ZSWIM5: variants seen among roughly 807,000 people sequenced by gnomAD.
ZSWIM5 encodes the protein zinc finger SWIM-type containing 5, also known as zinc finger SWIM domain-containing protein 5.
In ZSWIM5, 55 loss-of-function variants were observed where a neutral mutation model predicts 119.6. That is an observed-to-expected ratio of 0.46 (90% CI 0.37 to 0.58). ZSWIM5 has a LOEUF of 0.58. Ranked by LOEUF, ZSWIM5 falls within the 20% of genes least tolerant of loss-of-function variation. The probability of loss-of-function intolerance (pLI) is 0.00; values close to 1 mark genes in which losing one functional copy is unlikely to be tolerated. For missense variants in ZSWIM5, 1,193 were observed against 1,512.8 expected (o/e 0.79, Z 3.51); for synonymous variants, 537 against 606.9 (o/e 0.88, Z 1.69).
chr1:45,120,395 A>C (rs762740250), intron 1 of ZSWIM5, among the ~76,000 whole-genome samples: 4 of 152,084 alleles, frequency 2.6e-5, no homozygotes, highest in Non-Finnish European at 4.4e-5. Flanking sequence ...ATAGCTATCA[A>C]CCTCAAACAC....
intron 1 of ZSWIM5, among the ~76,000 whole-genome samples, chr1:45,161,520 T>C (rs577931887): frequency 6.7e-4 from 102 of 152,294 alleles, no homozygotes; most frequent in Non-Finnish European, 1.1e-3. Flanking sequence ...CGCTGAACAC[T>C]TGGAAAATAT....
chr1:45,035,081 C>T (rs995707640), intron 10 of ZSWIM5, among the ~76,000 whole-genome samples: 13 of 152,180 alleles, frequency 8.5e-5, no homozygotes, highest in African/African-American at 1.9e-4. Flanking sequence ...AGCCACCGTA[C>T]CCAGCCTGGT....
rs760336715 is a variant in ZSWIM5 at position 45,036,141 on chromosome 1, C to G, written c.2053G>C (p.Val685Leu). 1 of 1,614,160 alleles carries G rather than the reference C, an allele frequency of 6.2e-7. No homozygotes were observed. The highest frequency in any genetic ancestry group is 8.5e-7 in the Non-Finnish European group (1 of 1,180,032). Reference protein sequence around the residue: ...MPEGLYAQDKVCRNEEQLLSQ... With the variant: ...MPEGLYAQDKLCRNEEQLLSQ... ...AGGAGCTGCTCCTCATTACGGCATA[C>G]CTTGTCCTGTGCGTAGAGGCCTTCA... Residue 685 changes from valine to leucine, a missense_variant, in exon 9 of 14, where the codon GTA becomes CTA. By Grantham distance (32) the Val-to-Leu change is conservative. Around this residue, in one of 2 missense-constraint regions of ZSWIM5, gnomAD observed 961 missense variants for 1,290.0 expected, o/e 0.74. Coordinates refer to ENST00000359600, the MANE Select transcript of ZSWIM5 (RefSeq NM_020883.2).
At chr1:45,176,149 A>G (rs1038579309) in intron 1 of ZSWIM5, among the ~76,000 whole-genome samples, 7 of 148,552 alleles carry the variant, frequency 4.7e-5, no homozygotes, top group Non-Finnish European at 7.4e-5. Flanking sequence ...TATATATAAT[A>G]TATATTATAT....
intron 1 of ZSWIM5, among the ~76,000 whole-genome samples, chr1:45,180,177 G>A (rs1310683459): frequency 6.6e-6 from 1 of 152,148 alleles, no homozygotes; most frequent in Non-Finnish European, 1.5e-5. Flanking sequence ...TCCCTTTCCT[G>A]GTCAAGGACA....
At chr1:45,176,180 A>G (rs890891862) in intron 1 of ZSWIM5, among the ~76,000 whole-genome samples, 5 of 150,348 alleles carry the variant, frequency 3.3e-5, no homozygotes, top group African/African-American at 1.2e-4. Flanking sequence ...ATATATACTA[A>G]AAACCATGAG....
chr1:45,027,272 C>T (rs1209044631), intron 11 of ZSWIM5, among the ~76,000 whole-genome samples: 3 of 151,902 alleles, frequency 2.0e-5, no homozygotes, highest in Non-Finnish European at 4.4e-5. Flanking sequence ...TTACATTGCT[C>T]TTCTTTCGCT....
chr1:45,053,064 A>T (rs1645098944), intron 4 of ZSWIM5, among the ~76,000 whole-genome samples: 1 of 150,582 alleles, frequency 6.6e-6, no homozygotes, highest in Non-Finnish European at 1.5e-5. Context: ...CGGAGGTTGC[A>T]GTGAGCTGAG....
At chr1:45,166,732 G>A (rs1645906444) in intron 1 of ZSWIM5, among the ~76,000 whole-genome samples, 1 of 152,016 alleles carries the variant, frequency 6.6e-6, no homozygotes, top group Non-Finnish European at 1.5e-5. Context: ...TTGCTTCAAA[G>A]AGAATAAAAT....
intron 1 of ZSWIM5, among the ~76,000 whole-genome samples, chr1:45,134,832 A>C (rs1400423915): frequency 6.6e-6 from 1 of 152,206 alleles, no homozygotes; most frequent in African/African-American, 2.4e-5. Context: ...GAATCATACA[A>C]TATTTGTCAA....
In ZSWIM5 at chr1:45,018,931, A is replaced by C; in HGVS notation, c.3081T>G (p.Leu1027=). The part of the protein sequence containing the change: ...FKLASLAMSH[L]NLAYNQDTHP... ...GAGTATCCTGGTTGTAGGCCAGGTT[A>C]AGATGGCTCATGGCCAATGAGGCCA... is the stretch of plus-strand genomic sequence containing the variant. The change falls in exon 14 of 14, where the codon CTT becomes CTG. Residue 1027 remains leucine (L), a synonymous_variant. Coordinates refer to ENST00000359600, the MANE Select transcript of ZSWIM5 (RefSeq NM_020883.2). The surrounding 1 kb of genome is among the most constrained non-coding windows in gnomAD (Gnocchi z 6.7). 5 of 1,614,238 alleles carry C rather than the reference A, an allele frequency of 3.1e-6. No individual in the cohort carries two copies. Among genetic ancestry groups the C allele is most frequent in the Middle Eastern group, 1.6e-4 (1 of 6,062 alleles).
At chr1:45,068,250 T>G (rs919906967) in intron 2 of ZSWIM5, among the ~76,000 whole-genome samples, 4 of 151,404 alleles carry the variant, frequency 2.6e-5, no homozygotes, top group South Asian at 2.1e-4. Context: ...TTACAGGTGG[T>G]GCACACTACC....
rs996716435 is a variant in ZSWIM5, at chr1:45,051,136, T to C, written c.1370A>G (p.Asn457Ser). 1.2e-6 allele frequency: 2 copies of C among 1,614,210 alleles called. No homozygotes were observed. Among genetic ancestry groups the C allele is most frequent in the South Asian group, 2.2e-5 (2 of 91,084 alleles). The change falls in exon 5 of 14, where the codon AAC becomes AGC. Residue 457 changes from asparagine (N) to serine (S), a missense_variant. Asn to Ser is a conservative substitution (Grantham distance 46). Transcript: ENST00000359600. Reference protein sequence around the residue: ...DLDVCPLEDGNYGHELPNITN... With the variant: ...DLDVCPLEDGSYGHELPNITN... ...GATGTTGGGCAGCTCATGTCCATAG[T>C]TTCCATCCTCCAGGGGACAGACATC...
At chr1:45,084,266 CA>C (rs1380277703) in intron 2 of ZSWIM5, among the ~76,000 whole-genome samples, 2 of 152,124 alleles carry the variant, frequency 1.3e-5, no homozygotes, top group Admixed American at 6.5e-5. Context: ...ATGAGAACAG[CA>C]AGGGATAAAT....
intron 10 of ZSWIM5, among the ~76,000 whole-genome samples, chr1:45,034,781 GTTTAT>G (rs1644973092): frequency 6.6e-6 from 1 of 151,996 alleles, no homozygotes; most frequent in Non-Finnish European, 1.5e-5. Context: ...TCATAGGGTT[GTTTAT>G]TTTATTTATT....
chr1:45,071,376 T>C (rs1196901215), intron 2 of ZSWIM5, among the ~76,000 whole-genome samples: 1 of 152,146 alleles, frequency 6.6e-6, no homozygotes, highest in Non-Finnish European at 1.5e-5. Context: ...TGATGATGTT[T>C]GTCTTTCTGT....
At chr1:45,085,318 G>T (rs1471678353) in intron 2 of ZSWIM5, among the ~76,000 whole-genome samples, 1 of 152,148 alleles carries the variant, frequency 6.6e-6, no homozygotes, top group African/African-American at 2.4e-5. Flanking sequence ...GGCCTGTGAT[G>T]GGAGGGGCTG....
intron 1 of ZSWIM5, among the ~76,000 whole-genome samples, chr1:45,134,485 A>G (rs1430337440): frequency 6.6e-6 from 1 of 152,188 alleles, no homozygotes; most frequent in South Asian, 2.1e-4. Context: ...GAGAAAAGTT[A>G]ATGAATAATC....
intron 1 of ZSWIM5, among the ~76,000 whole-genome samples, chr1:45,180,646 T>C (rs1226735): frequency 0.16 from 23,662 of 151,960 alleles, 1,966 homozygotes; most frequent in African/African-American, 0.18. Flanking sequence ...GGGTCCCTGA[T>C]CCCTGACCCC....
Sources: allele counts gnomAD v4.1 joint callset (sites outside exome capture counted in the v4.1 genomes callset), GRCh38; gene constraint gnomAD v4.1.1; regional missense constraint gnomAD v4.1.1; non-coding constraint Gnocchi (gnomAD v3.1); transcripts MANE v1.5; gene names NCBI Gene and HGNC (gene_info 2026-07-23, HGNC 2026-07-21).